The following ASH1L variants were observed in gnomAD, a reference collection of about 807,000 sequenced individuals.
The protein encoded by ASH1L is ASH1 like histone lysine methyltransferase.
A neutral mutation model predicts 269.0 loss-of-function variants in ASH1L; 23 were observed. The ratio of observed to expected loss-of-function variants is 0.09; its 90% CI spans 0.06 to 0.12. The LOEUF (loss-of-function observed/expected upper bound fraction) is 0.12, where lower values mean the gene tolerates loss of function less well. Ranked by LOEUF, ASH1L falls within the 10% of genes least tolerant of loss-of-function variation. The pLI is 1.00. For missense variants in ASH1L, 2,912 were observed against 3,567.8 expected, an observed-to-expected ratio of 0.82 and a Z score of 4.68; for synonymous variants, 1,187 against 1,253.5, an observed-to-expected ratio of 0.95 and a Z score of 1.12.
At position 155,479,541 on chromosome 1, in the gene ASH1L, T is replaced by C; in HGVS notation, c.3329A>G (p.Gln1110Arg). The change falls in exon 3 of 28, where the codon CAG becomes CGG. Residue 1110 changes from glutamine to arginine, a missense_variant. Coordinates refer to ENST00000392403, the MANE Select transcript of ASH1L (RefSeq NM_018489.3). ...CTGACCTCCACTAGTCCCAGAAGAC[T>C]GAGAGCAAATAGGTGATGGAAGAAT... ...SEILPSPICS[Q>R]SSGTSGGQSP... The C allele has an allele frequency of 3.1e-6, 5 of 1,614,166 alleles. No homozygotes were observed. Among genetic ancestry groups the C allele is most frequent in the Non-Finnish European group, 4.2e-6 (5 of 1,180,022 alleles).
At chr1:155,556,610 T>G (rs527289237) in intron 1 of ASH1L, among the ~76,000 whole-genome samples, 2 of 152,010 alleles carry the variant, frequency 1.3e-5, no homozygotes, top group East Asian at 3.9e-4. Context: ...TGCGCCTAAT[T>G]TTTTATATTT....
chr1:155,338,182 A>C lies in ASH1L; in HGVS notation c.8710T>G (p.Ser2904Ala). ...KTEESSQEPQSTCTPEERRHN... is the reference protein window; with the variant it reads ...KTEESSQEPQATCTPEERRHN... ...CGTCGTTCCTCAGGGGTACAGGTTG[A>C]CTGGGGTTCTTGACTACTTTCCTCT... Residue 2904 changes from serine to alanine, a missense_variant, in exon 27 of 28, where the codon TCA becomes GCA. Physicochemically the swap from Ser to Ala is moderately conservative, Grantham distance 99. Coordinates refer to ENST00000392403, the MANE Select transcript of ASH1L (RefSeq NM_018489.3). The C allele has an allele frequency of 6.2e-7, 1 of 1,613,636 alleles. No homozygotes were observed. Among genetic ancestry groups the C allele is most frequent in the Non-Finnish European group, 8.5e-7 (1 of 1,179,918 alleles).
intron 5 of ASH1L, among the ~76,000 whole-genome samples, chr1:155,423,180 C>T (rs1268484385): frequency 2.6e-5 from 4 of 151,250 alleles, no homozygotes. Context: ...ATCTCCTGAC[C>T]TCAGGTGATC....
chr1:155,505,888 T>C (rs1330612702), intron 2 of ASH1L, among the ~76,000 whole-genome samples: 3 of 152,198 alleles, frequency 2.0e-5, no homozygotes, highest in Non-Finnish European at 4.4e-5. Flanking sequence ...GTGTACAACG[T>C]GCAGGTTTGT....
At chr1:155,405,331 A>T (rs1404103961) in intron 6 of ASH1L, among the ~76,000 whole-genome samples, 1 of 151,622 alleles carries the variant, frequency 6.6e-6, no homozygotes, top group African/African-American at 2.4e-5. Context: ...AAAATATAAA[A>T]ATTAGCCAGG....
chr1:155,561,879 A>G (rs1408213423), intron 1 of ASH1L, among the ~76,000 whole-genome samples: 1 of 150,064 alleles, frequency 6.7e-6, no homozygotes, highest in East Asian at 2.0e-4. Flanking sequence ...TACAAACACA[A>G]ACTAACCTGT....
At chr1:155,439,129 T>C in intron 4 of ASH1L, 61 bp from the exon 5 acceptor site, 1 of 1,494,812 alleles carries the variant, frequency 6.7e-7, no homozygotes, top group Non-Finnish European at 9.0e-7. Context: ...TTTAAATAAG[T>C]TTTTACACAG....
intron 12 of ASH1L, chr1:155,370,287 CAAAA>C: frequency 1.7e-6 from 1 of 576,868 alleles, no homozygotes; most frequent in Non-Finnish European, 3.0e-6. Context: ...AAAAGCAAAA[CAAAA>C]AAACAGAACA....
rs987141475 is a variant in ASH1L at position 155,343,058 on chromosome 1, T to A, written c.8293+256A>T. On this transcript the variant is annotated intron_variant, in intron 24 of 27. Transcript: ENST00000392403. The surrounding 1 kb of genome is among the most constrained non-coding windows in gnomAD (Gnocchi z 6.1). The stretch of plus-strand genomic sequence containing the variant: ...GCAGGGTTTCATTCTGTTGCACAGG[T>A]TGGAGTGCAGTGGTGCGATCTTGGC... The A allele has an allele frequency of 1.1e-5, 4 of 349,542 alleles. No homozygotes were observed. The highest frequency in any genetic ancestry group is 2.1e-5 in the Non-Finnish European group (4 of 192,956). The allele number at this position is 349,542 out of a possible 1,614,324, so 21.7% of individuals were successfully genotyped here. A position where few individuals can be genotyped will look rare whatever the true frequency, so the allele number is the denominator to read the frequency against.
chr1:155,491,876 T>C (rs1366960091), intron 2 of ASH1L, among the ~76,000 whole-genome samples: 1 of 151,752 alleles, frequency 6.6e-6, no homozygotes, highest in African/African-American at 2.4e-5. Context: ...TCTCACCATG[T>C]TGGCCAGGCT....
chr1:155,483,722 A>T (rs915556820), intron 2 of ASH1L, among the ~76,000 whole-genome samples: 8 of 151,876 alleles, frequency 5.3e-5, no homozygotes, highest in African/African-American at 1.9e-4. Context: ...ATAAAAAAAA[A>T]AAACCCTAAA....
intron 1 of ASH1L, among the ~76,000 whole-genome samples, chr1:155,540,314 T>C (rs1204268468): frequency 2.0e-5 from 3 of 152,174 alleles, no homozygotes; most frequent in Non-Finnish European, 4.4e-5. Flanking sequence ...TAGAAATTGT[T>C]GTAAGGGTTC....
chr1:155,456,144 T>C (rs1663848925), intron 4 of ASH1L, among the ~76,000 whole-genome samples: 1 of 152,214 alleles, frequency 6.6e-6, no homozygotes, highest in Non-Finnish European at 1.5e-5. Flanking sequence ...CTGAAGTTTC[T>C]GGTTTCCTAT....
At chr1:155,532,903 A>G (rs1276746767) in intron 1 of ASH1L, among the ~76,000 whole-genome samples, 1 of 146,334 alleles carries the variant, frequency 6.8e-6, no homozygotes, top group Non-Finnish European at 1.5e-5. Context: ...GTATGTATGT[A>G]TATGTATGTA....
intron 2 of ASH1L, among the ~76,000 whole-genome samples, chr1:155,506,595 G>A (rs1480945954): frequency 6.6e-6 from 1 of 152,020 alleles, no homozygotes; most frequent in Non-Finnish European, 1.5e-5. Flanking sequence ...TACCTGGGAG[G>A]CTGAGGTGGG....
chr1:155,435,344 T>C (rs896613650), intron 5 of ASH1L, among the ~76,000 whole-genome samples: 11 of 152,150 alleles, frequency 7.2e-5, no homozygotes, highest in Non-Finnish European at 1.2e-4. Flanking sequence ...ATCACAACAG[T>C]GTAATTACAT....
At position 155,453,885 on chromosome 1, in the gene ASH1L, G is replaced by A. The variant is rs572000164; in HGVS notation, c.5086+5912C>T. Among the ~76,000 whole-genome samples, 37 of 152,136 alleles carry A rather than the reference G, an allele frequency of 2.4e-4. No individual in the cohort carries two copies. The South Asian group carries it at 6.4e-3, about 26-fold the overall frequency. ...TGGGAGGCTGAGGCGGGCAGATCAC[G>A]AGGTCAGGAGATCCAGACCATCCTG... On this transcript the variant is annotated intron_variant, in intron 4 of 27. Transcript: ENST00000392403.
intron 1 of ASH1L, among the ~76,000 whole-genome samples, chr1:155,541,830 T>C (rs1042203573): frequency 1.3e-5 from 2 of 152,108 alleles, no homozygotes; most frequent in African/African-American, 4.8e-5. Flanking sequence ...TTTAGAAATA[T>C]TAAACTGGGA....
intron 4 of ASH1L, among the ~76,000 whole-genome samples, chr1:155,446,028 C>A (rs1662989268): frequency 6.7e-6 from 1 of 148,408 alleles, no homozygotes; most frequent in Non-Finnish European, 1.5e-5. Context: ...ACTGGGCCTA[C>A]ACTGTACTTT....
Sources: allele counts gnomAD v4.1 joint callset (sites outside exome capture counted in the v4.1 genomes callset), GRCh38; gene constraint gnomAD v4.1.1; non-coding constraint Gnocchi (gnomAD v3.1); transcripts MANE v1.5; gene names NCBI Gene and HGNC (gene_info 2026-07-23, HGNC 2026-07-21).